IFT122: variants seen among roughly 807,000 people sequenced by gnomAD.
IFT122 encodes the protein intraflagellar transport 122, also known as intraflagellar transport protein 122 homolog.
A neutral mutation model predicts 161.6 loss-of-function variants in IFT122; 118 were observed. The observed-to-expected ratio is 0.73, with a 90% confidence interval of 0.63 to 0.85. IFT122 has a LOEUF of 0.85. Among genes scored for constraint, IFT122 ranks in the 40% least tolerant of loss-of-function variants. IFT122 has a pLI of 0.00. For missense variants in IFT122, 1,381 were observed against 1,579.6 expected, an observed-to-expected ratio of 0.87 and a Z score of 2.13; for synonymous variants, 550 against 602.4, an observed-to-expected ratio of 0.91 and a Z score of 1.27.
At chr3:129,489,485 C>T (rs1236477347) in intron 16 of IFT122, among the ~76,000 whole-genome samples, 1 of 152,142 alleles carries the variant, frequency 6.6e-6, no homozygotes, top group African/African-American at 2.4e-5. Context: ...TAACAATGAT[C>T]TAGATTATAT....
chr3:129,514,377 T>C lies in IFT122; in HGVS notation c.2988-12T>C. 2.5e-6 allele frequency: 4 copies of C among 1,613,932 alleles called. No homozygotes were observed. The highest frequency in any genetic ancestry group is 2.5e-6 in the Non-Finnish European group (3 of 1,179,928). ...GTGTTGCCCCTGCTGTCCTTAACCCTGTTCACGGCAGGAAAATACTCTTCA... is the reference window on the plus strand; with the variant it reads ...GTGTTGCCCCTGCTGTCCTTAACCCCGTTCACGGCAGGAAAATACTCTTCA... On this transcript the variant is annotated splice_polypyrimidine_tract_variant and intron_variant, in intron 24 of 29. Coordinates refer to ENST00000348417, the MANE Select transcript of IFT122 (RefSeq NM_052989.3).
At chr3:129,480,148 T>C (rs987107434) in intron 13 of IFT122, among the ~76,000 whole-genome samples, 2 of 152,202 alleles carry the variant, frequency 1.3e-5, no homozygotes, top group Non-Finnish European at 2.9e-5. Flanking sequence ...AGAGTTGAGC[T>C]ATAACCTTTG....
intron 9 of IFT122, among the ~76,000 whole-genome samples, chr3:129,470,238 TTTTA>T (rs143376223): frequency 0.13 from 19,661 of 151,226 alleles, 1,610 homozygotes; most frequent in South Asian, 0.23. Flanking sequence ...GGGTATGATT[TTTTA>T]TTTATTTATT....
intron 18 of IFT122, among the ~76,000 whole-genome samples, chr3:129,496,412 C>T (rs796756041): frequency 1.3e-5 from 2 of 152,182 alleles, no homozygotes; most frequent in Admixed American, 1.3e-4. Flanking sequence ...CATCAAGGGG[C>T]TTTGTTAACC....
intron 21 of IFT122, among the ~76,000 whole-genome samples, 163 bp from the exon 22 acceptor site, chr3:129,506,246 G>T (rs1331721889): frequency 1.3e-5 from 2 of 152,152 alleles, no homozygotes; most frequent in Non-Finnish European, 2.9e-5. Context: ...TGTAGCCTTG[G>T]TTATTTAGAG....
rs188402857 is a variant in IFT122 at position 129,506,502 on chromosome 3, C to A, written c.2744C>A (p.Ala915Asp). The change falls in exon 22 of 30, where the codon GCC becomes GAC. Residue 915 changes from alanine (A) to aspartate (D), a missense_variant. Ala to Asp is a moderately radical substitution (Grantham distance 126). Coordinates refer to ENST00000348417, the MANE Select transcript of IFT122 (RefSeq NM_052989.3). ...GCGGAGAGCAGGTTTAATGATGCTG[C>A]CTATTATTACTGGATGCTGTCCATG... ...AVAESRFNDA[A>D]YYYWMLSMQC... 2.5e-6 allele frequency: 4 copies of A among 1,614,208 alleles called. No individual in the cohort carries two copies. The highest frequency in any genetic ancestry group is 3.4e-6 in the Non-Finnish European group (4 of 1,180,042).
rs150958123 is a variant in IFT122, at chr3:129,511,419, G to A, written c.2887-893G>A. 9.8e-4 allele frequency among the ~76,000 whole-genome samples: 149 copies of A among 152,304 alleles called. 1 individual carries two copies. The Middle Eastern group carries it at 0.014, about 14-fold the overall frequency. ...GTCCTCAGGAGTTCAGACCAATTAG[G>A]GGTTAAGCTTTGGTGGCTCAGTGAT... On this transcript the variant is annotated intron_variant, in intron 23 of 29. Coordinates refer to ENST00000348417, the MANE Select transcript of IFT122 (RefSeq NM_052989.3).
chr3:129,490,528 C>T (rs368120562), intron 16 of IFT122, among the ~76,000 whole-genome samples: 1 of 152,168 alleles, frequency 6.6e-6, no homozygotes, highest in African/African-American at 2.4e-5. Flanking sequence ...TGAAGGAACT[C>T]GGAAACAGAT....
At chr3:129,506,304 C>G (rs2082183572) in intron 21 of IFT122, 105 bp from the exon 22 acceptor site, 19 of 1,338,570 alleles carry the variant, frequency 1.4e-5, no homozygotes, top group Non-Finnish European at 2.0e-5. Flanking sequence ...AATGAGTGTC[C>G]TACTTCCAAA....
At chr3:129,445,824 G>A (rs1240241717) in intron 1 of IFT122, among the ~76,000 whole-genome samples, 1 of 152,180 alleles carries the variant, frequency 6.6e-6, no homozygotes, top group East Asian at 1.9e-4. Context: ...TGCATTTTAA[G>A]AGCTCAGCAG....
At chr3:129,487,728 G>A (rs2079458183) in intron 15 of IFT122, 2 of 191,066 alleles carry the variant, frequency 1.0e-5, no homozygotes, top group African/African-American at 2.4e-5. Flanking sequence ...GTTCTGCTGA[G>A]GGAGGCCGAT....
At chr3:129,505,463 G>C (rs1007645587) in intron 21 of IFT122, among the ~76,000 whole-genome samples, 3 of 152,344 alleles carry the variant, frequency 2.0e-5, no homozygotes, top group African/African-American at 7.2e-5. Flanking sequence ...GCACCCAGTT[G>C]CTGAAGTATC....
intron 26 of IFT122, among the ~76,000 whole-genome samples, chr3:129,517,188 T>A (rs1484231912): frequency 1.7e-5 from 2 of 118,948 alleles, no homozygotes; most frequent in Admixed American, 1.8e-4. Flanking sequence ...ACACAGAGAC[T>A]GCCCCTACAC....
chr3:129,463,362 T>G (rs2076380056), intron 5 of IFT122, 198 bp from the exon 6 acceptor site: 1 of 552,202 alleles, frequency 1.8e-6, no homozygotes. Flanking sequence ...CTGTTCTCCA[T>G]TTCTATAATT....
chr3:129,520,158 A>G lies in IFT122; in HGVS notation c.3637-18A>G. On this transcript the variant is annotated intron_variant, in intron 29 of 29. Coordinates refer to ENST00000348417, the MANE Select transcript of IFT122 (RefSeq NM_052989.3). The stretch of plus-strand genomic sequence containing the variant: ...AGCACTAGGGCTTCAGCCTGGTCTT[A>G]CAGCTGTCTTCCCTTAGATGTTCCA... The G allele has an allele frequency of 6.2e-7, 1 of 1,605,124 alleles. No individual in the cohort carries two copies. Among genetic ancestry groups the G allele is most frequent in the Non-Finnish European group, 8.5e-7 (1 of 1,174,650 alleles).
At chr3:129,494,808 C>G (rs185797076) in intron 17 of IFT122, among the ~76,000 whole-genome samples, 118 of 152,278 alleles carry the variant, frequency 7.7e-4, no homozygotes, top group South Asian at 7.7e-3. Flanking sequence ...CTGTCTGACC[C>G]TGACCTGTTC....
chr3:129,464,255 C>G (rs536213125), intron 6 of IFT122, among the ~76,000 whole-genome samples: 4 of 152,260 alleles, frequency 2.6e-5, no homozygotes, highest in African/African-American at 9.6e-5. Context: ...AAGCACTGTT[C>G]TAGGGGTTGG....
At chr3:129,483,430 C>T (rs928010103) in intron 14 of IFT122, 55 bp from the exon 15 acceptor site, 35 of 1,488,636 alleles carry the variant, frequency 2.4e-5, no homozygotes, top group East Asian at 6.8e-5. Context: ...AATGTGTGAG[C>T]GCTGACCAAG....
chr3:129,456,650 C>T (rs1429550982), intron 3 of IFT122, among the ~76,000 whole-genome samples: 2 of 151,618 alleles, frequency 1.3e-5, no homozygotes, highest in Admixed American at 6.6e-5. Context: ...AAGGGCCAGT[C>T]GTGGTGACTC....
Sources: allele counts gnomAD v4.1 joint callset (sites outside exome capture counted in the v4.1 genomes callset), GRCh38; gene constraint gnomAD v4.1.1; transcripts MANE v1.5; gene names NCBI Gene and HGNC (gene_info 2026-07-23, HGNC 2026-07-21).